Variants in MEGF11 observed in about 807,000 individuals in gnomAD.
The protein encoded by MEGF11 is multiple epidermal growth factor-like domains protein 11.
A neutral mutation model predicts 146.6 loss-of-function variants in MEGF11; 126 were observed. The ratio of observed to expected loss-of-function variants is 0.86; its 90% CI spans 0.74 to 1.00. MEGF11 has a LOEUF of 1.00. Among genes scored for constraint, MEGF11 ranks in the 50% least tolerant of loss-of-function variants. The probability of loss-of-function intolerance (pLI) is 0.00; values close to 1 mark genes in which losing one functional copy is unlikely to be tolerated. For missense variants in MEGF11, 1,509 were observed against 1,521.2 expected (o/e 0.99, Z 0.13); for synonymous variants, 532 against 583.4 (o/e 0.91, Z 1.27).
chr15:66,248,109 AGG>A (rs1176066319), intron 1 of MEGF11, among the ~76,000 whole-genome samples: 1 of 152,140 alleles, frequency 6.6e-6, no homozygotes, highest in African/African-American at 2.4e-5. Context: ...AAGTCTGCTG[AGG>A]GGCTTCTGGG....
chr15:65,947,801 T>C lies in MEGF11; in HGVS notation c.1287+9746A>G, dbSNP rs1472473956. On this transcript the variant is annotated intron_variant, in intron 10 of 25. Coordinates refer to ENST00000395614, the MANE Select transcript of MEGF11 (RefSeq NM_001385028.1). ...TAAAGCATAGATGCCGCAGATCTGCTCCAATAGCTTCTTTTGCTGCACAGA... is the reference window on the plus strand; with the variant it reads ...TAAAGCATAGATGCCGCAGATCTGCCCCAATAGCTTCTTTTGCTGCACAGA... 1.3e-5 allele frequency among the ~76,000 whole-genome samples: 2 copies of C among 152,112 alleles called. 1 individual carries two copies. The highest frequency in any genetic ancestry group is 4.8e-5 in the African/African-American group (2 of 41,412).
At chr15:66,140,003 G>T (rs1017553912) in intron 1 of MEGF11, among the ~76,000 whole-genome samples, 1 of 152,152 alleles carries the variant, frequency 6.6e-6, no homozygotes, top group Non-Finnish European at 1.5e-5. Context: ...CAAAACAGCC[G>T]ATCACACTCC....
rs916329156 is a variant in MEGF11 at position 65,992,454 on chromosome 15, G to A, written c.395-9966C>T. Among the ~76,000 whole-genome samples the A allele has an allele frequency of 4.2e-5, 6 of 141,506 alleles. 1 individual carries two copies. Among genetic ancestry groups the A allele is most frequent in the Non-Finnish European group, 9.3e-5 (6 of 64,564 alleles). 92.8% of individuals were successfully genotyped at this position (141,506 alleles called of 152,430 possible). On this transcript the variant is annotated intron_variant, in intron 5 of 25. Transcript: ENST00000395614. ...TTGTGCCTCTGTGTGTGTGTGTGGGGGGGGGGGTTAGTCACATCCTGAGGC... is the reference window on the plus strand; with the variant it reads ...TTGTGCCTCTGTGTGTGTGTGTGGGAGGGGGGGTTAGTCACATCCTGAGGC...
intron 5 of MEGF11, among the ~76,000 whole-genome samples, chr15:66,058,641 T>C (rs1249730154): frequency 6.6e-6 from 1 of 152,078 alleles, no homozygotes; most frequent in Non-Finnish European, 1.5e-5. Flanking sequence ...GAGGAAGGGA[T>C]AAAGTTGCCT....
At chr15:65,940,698 A>AT (rs1871898824) in intron 10 of MEGF11, among the ~76,000 whole-genome samples, 1 of 152,230 alleles carries the variant, frequency 6.6e-6, no homozygotes, top group Admixed American at 6.5e-5. Flanking sequence ...CACTTGTCAT[A>AT]TCCATCCCTG....
At chr15:66,047,051 G>C (rs143528351) in intron 5 of MEGF11, among the ~76,000 whole-genome samples, 7 of 152,316 alleles carry the variant, frequency 4.6e-5, no homozygotes, top group African/African-American at 1.7e-4. Flanking sequence ...CCTCTCAGCA[G>C]ATTCTGAAAA....
intron 24 of MEGF11, 64 bp downstream of exon 24, chr15:65,906,021 T>G (rs1441308058): frequency 7.2e-7 from 1 of 1,388,478 alleles, no homozygotes; most frequent in African/African-American, 1.4e-5. Flanking sequence ...CCTGGCCATT[T>G]CAGATCTGCA....
chr15:66,083,404 T>C (rs928500353), intron 5 of MEGF11, among the ~76,000 whole-genome samples: 48 of 152,224 alleles, frequency 3.2e-4, no homozygotes, highest in Admixed American at 3.1e-3. Flanking sequence ...AAAAGTCTTT[T>C]CAATAAATAG....
chr15:66,026,593 C>T (rs1207768622), intron 5 of MEGF11, among the ~76,000 whole-genome samples: 2 of 152,188 alleles, frequency 1.3e-5, no homozygotes. Context: ...AAGGGATTCT[C>T]CTGCCTCAGC....
intron 5 of MEGF11, among the ~76,000 whole-genome samples, chr15:66,042,137 GCC>G (rs2084007669): frequency 2.1e-5 from 3 of 144,674 alleles, no homozygotes; most frequent in Non-Finnish European, 4.5e-5. Flanking sequence ...CTGAGACAGA[GCC>G]TCACTCCATC....
At chr15:65,898,676 A>G in intron 25 of MEGF11, 52 bp downstream of exon 25, 3 of 1,603,730 alleles carry the variant, frequency 1.9e-6, no homozygotes, top group Admixed American at 1.7e-5. Flanking sequence ...TTTTACTTCA[A>G]ATGCTGCACT....
At chr15:65,961,226 G>A (rs1174357896) in intron 9 of MEGF11, among the ~76,000 whole-genome samples, 1 of 152,110 alleles carries the variant, frequency 6.6e-6, no homozygotes, top group Non-Finnish European at 1.5e-5. Context: ...AGGGACTGCT[G>A]TTTTTGGCTC....
chr15:66,097,992 G>A (rs951509178), intron 4 of MEGF11, among the ~76,000 whole-genome samples: 2 of 152,188 alleles, frequency 1.3e-5, no homozygotes, highest in Non-Finnish European at 2.9e-5. Flanking sequence ...GGATCTAAAT[G>A]TTCCCTCCAG....
intron 1 of MEGF11, among the ~76,000 whole-genome samples, chr15:66,223,926 G>C (rs977136740): frequency 5.3e-5 from 8 of 152,168 alleles, no homozygotes; most frequent in Admixed American, 5.2e-4. Context: ...GGGTGGCTGA[G>C]TGTTGGGTAT....
At chr15:66,249,494 C>G (rs1382319971) in intron 1 of MEGF11, among the ~76,000 whole-genome samples, 1 of 152,114 alleles carries the variant, frequency 6.6e-6, no homozygotes, top group African/African-American at 2.4e-5. Flanking sequence ...CTATTTATTC[C>G]CTAATTATAT....
chr15:66,113,534 C>T (rs963484887), intron 4 of MEGF11, among the ~76,000 whole-genome samples: 3 of 152,182 alleles, frequency 2.0e-5, no homozygotes, highest in Non-Finnish European at 4.4e-5. Context: ...TCCCTGCTGC[C>T]GCCCGCAGCA....
chr15:66,097,130 T>C (rs1283931317), intron 4 of MEGF11, among the ~76,000 whole-genome samples: 1 of 152,242 alleles, frequency 6.6e-6, no homozygotes, highest in African/African-American at 2.4e-5. Context: ...GCCTGCACTA[T>C]TTGCTTGTCA....
intron 5 of MEGF11, among the ~76,000 whole-genome samples, chr15:66,084,967 G>A (rs2086042950): frequency 6.6e-6 from 1 of 152,198 alleles, no homozygotes; most frequent in African/African-American, 2.4e-5. Context: ...AAGGTGGCGG[G>A]GGAAGGGGGG....
chr15:66,225,617 A>T (rs972534413), intron 1 of MEGF11, among the ~76,000 whole-genome samples: 5 of 152,206 alleles, frequency 3.3e-5, no homozygotes, highest in Non-Finnish European at 5.9e-5. Context: ...ACAAGCACAC[A>T]TTCACATATG....
Sources: allele counts gnomAD v4.1 joint callset (sites outside exome capture counted in the v4.1 genomes callset), GRCh38; gene constraint gnomAD v4.1.1; transcripts MANE v1.5; gene names NCBI Gene and HGNC (gene_info 2026-07-23, HGNC 2026-07-21).